Variants in CYP2R1 observed in about 807,000 individuals in gnomAD.
The protein encoded by CYP2R1 is vitamin D 25-hydroxylase.
In CYP2R1, 40 loss-of-function variants were observed where a neutral mutation model predicts 45.7. The ratio of observed to expected loss-of-function variants is 0.87; its 90% CI spans 0.68 to 1.14. CYP2R1 has a LOEUF of 1.14. CYP2R1 is among the 50% of genes most tolerant of loss of function. The pLI is 0.00. For synonymous variants in CYP2R1, 234 were observed against 219.3 expected, an observed-to-expected ratio of 1.07 and a Z score of -0.59; for missense variants, 605 against 602.6, an observed-to-expected ratio of 1.00 and a Z score of -0.04.
chr11:14,889,953 C>A (rs1035287103), intron 1 of CYP2R1, among the ~76,000 whole-genome samples: 13 of 151,918 alleles, frequency 8.6e-5, no homozygotes, highest in African/African-American at 2.9e-4. Flanking sequence ...CGAGTGAATG[C>A]CCATCTCTAC....
intron 1 of CYP2R1, chr11:14,891,724 A>G: frequency 7.8e-7 from 1 of 1,281,038 alleles, no homozygotes; most frequent in Non-Finnish European, 9.9e-7. Context: ...GTAGCGGGAA[A>G]ATCAGGACTG....
In CYP2R1 at chr11:14,891,975, C is replaced by A; in HGVS notation, c.225+6G>T. 6.2e-7 allele frequency: 1 copy of A among 1,612,676 alleles called. No individual in the cohort carries two copies. ...CCTCCCTGCCCGGGGCCCGTCGGGG[C>A]TGTACCTCTCCGTACACCTGGCTCT... is the stretch of plus-strand genomic sequence containing the variant. On this transcript the variant is annotated splice_donor_region_variant and intron_variant, in intron 1 of 4. Transcript: ENST00000334636.
chr11:14,885,660 A>C (rs1555014159), intron 2 of CYP2R1, 116 bp downstream of exon 2: 1 of 1,125,042 alleles, frequency 8.9e-7, no homozygotes. Context: ...TCTGTAAATA[A>C]ATAGTTTCTT....
chr11:14,883,708 T>C (rs1233513962), intron 2 of CYP2R1, among the ~76,000 whole-genome samples: 11 of 151,926 alleles, frequency 7.2e-5, no homozygotes, highest in Non-Finnish European at 2.9e-5. Flanking sequence ...CTCAAGAGCT[T>C]CTGCACAGCA....
chr11:14,890,829 T>G, intron 1 of CYP2R1: 5 of 981,554 alleles, frequency 5.1e-6, no homozygotes, highest in Non-Finnish European at 6.0e-6. Flanking sequence ...ATTATAGGCG[T>G]GAGCCACCGC....
rs1176385806 is a variant in CYP2R1 at position 14,878,019 on chromosome 11, T to C, written c.*103A>G. 2.3e-6 allele frequency: 3 copies of C among 1,282,022 alleles called. No individual in the cohort carries two copies. The highest frequency in any genetic ancestry group is 4.6e-5 in the East Asian group (2 of 43,142). The allele number at this position is 1,282,022 out of a possible 1,614,324, so 79.4% of individuals were successfully genotyped here. ...ACACATCTGTGTTCATTTGGCTTTT[T>C]GATGCTGTGACTTTTATTCTAATAC... On this transcript the variant is annotated 3_prime_UTR_variant, in exon 5 of 5. Coordinates refer to ENST00000334636, the MANE Select transcript of CYP2R1 (RefSeq NM_024514.5).
At position 14,879,439 on chromosome 11, in the gene CYP2R1, TTGTCC is replaced by T. The variant is rs1555011094; in HGVS notation, c.1001-1_1004del. The T allele has an allele frequency of 6.3e-7, 1 of 1,599,744 alleles. No individual in the cohort carries two copies. Among genetic ancestry groups the T allele is most frequent in the African/African-American group, 1.3e-5 (1 of 74,972 alleles). On this transcript the variant is annotated splice_acceptor_variant and coding_sequence_variant, in exon 4 of 5. Coordinates refer to ENST00000334636, the MANE Select transcript of CYP2R1 (RefSeq NM_024514.5). LOFTEE classifies it high-confidence loss of function. Reference sequence around the variant, plus strand: ...TAATTAAATCAATCTCTTTCTGAACTTGTCCTGTCAGAGAAAAAGTATTCAAGTTA... The same window carrying T: ...TAATTAAATCAATCTCTTTCTGAACTTGTCAGAGAAAAAGTATTCAAGTTA...
intron 2 of CYP2R1, among the ~76,000 whole-genome samples, chr11:14,884,968 A>T (rs1159713988): frequency 6.6e-6 from 1 of 152,098 alleles, no homozygotes; most frequent in African/African-American, 2.4e-5. Flanking sequence ...TGGCCTGAGA[A>T]TTCAGTCTTT....
At chr11:14,890,938 C>T (rs1335361780) in intron 1 of CYP2R1, 2 of 985,296 alleles carry the variant, frequency 2.0e-6, no homozygotes, top group Non-Finnish European at 2.4e-6. Flanking sequence ...TGTACTTTTC[C>T]TTCAAAACAC....
intron 1 of CYP2R1, among the ~76,000 whole-genome samples, chr11:14,889,164 G>GTTT (rs11410959): frequency 9.3e-5 from 13 of 140,164 alleles, no homozygotes; most frequent in Admixed American, 2.8e-4. Flanking sequence ...AAGTCCAGTT[G>GTTT]TTTTTTTTTT....
At chr11:14,879,076 C>G in intron 4 of CYP2R1, 38 bp downstream of exon 4, 4 of 1,493,236 alleles carry the variant, frequency 2.7e-6, no homozygotes, top group Non-Finnish European at 3.7e-6. Context: ...TATCATTATC[C>G]TTTATTCTAA....
intron 4 of CYP2R1, 61 bp downstream of exon 4, chr11:14,879,053 G>A: frequency 7.6e-7 from 1 of 1,307,468 alleles, no homozygotes; most frequent in Non-Finnish European, 1.1e-6. Context: ...TTAAGATGCT[G>A]TATCTAATGA....
intron 1 of CYP2R1, 24 bp from the exon 2 acceptor site, chr11:14,885,941 C>G: frequency 6.2e-7 from 1 of 1,609,858 alleles, no homozygotes; most frequent in South Asian, 1.1e-5. Flanking sequence ...AGAAAAACAA[C>G]ATTTAAATGA....
At chr11:14,885,088 T>C (rs1383014404) in intron 2 of CYP2R1, among the ~76,000 whole-genome samples, 1 of 152,208 alleles carries the variant, frequency 6.6e-6, no homozygotes, top group Non-Finnish European at 1.5e-5. Context: ...GTAAGCAAGA[T>C]ATTGTTAAAT....
rs1848599982 is a variant in CYP2R1 at position 14,885,915 on chromosome 11, G to A, written c.228C>T (p.Ile76=). The A allele has an allele frequency of 6.2e-7, 1 of 1,613,024 alleles. No individual in the cohort carries two copies. The highest frequency in any genetic ancestry group is 1.3e-5 in the African/African-American group (1 of 74,870). The change falls in exon 2 of 5, where the codon ATC becomes ATT. Residue 76 remains isoleucine, a splice_region_variant and synonymous_variant. Coordinates refer to ENST00000334636, the MANE Select transcript of CYP2R1 (RefSeq NM_024514.5). ...MRKQSQVYGE[I]FSLDLGGIST... is the part of the protein sequence containing the mutation. Reference sequence around the variant, plus strand: ...ATATGCCTCCAAGATCTAAACTGAAGATCTTTGAGAAGAGAAGAAAAACAA... The same window carrying A: ...ATATGCCTCCAAGATCTAAACTGAAAATCTTTGAGAAGAGAAGAAAAACAA...
chr11:14,880,478 G>T lies in CYP2R1; in HGVS notation c.658C>A (p.Leu220Ile), dbSNP rs1555011758. The change falls in exon 3 of 5, where the codon CTA (leucine) becomes ATA (isoleucine). Residue 220 changes from leucine to isoleucine, a missense_variant. Physicochemically the swap from Leu to Ile is conservative, Grantham distance 5. Coordinates refer to ENST00000334636, the MANE Select transcript of CYP2R1 (RefSeq NM_024514.5). ...MIELFSENVE[L>I]AASASVFLYN... Reference sequence around the variant, plus strand: ...AAGAAGACTGAGGCACTGGCAGCTAGTTCCACATTTTCACTAAATAACTCA... The same window carrying T: ...AAGAAGACTGAGGCACTGGCAGCTATTTCCACATTTTCACTAAATAACTCA... The T allele has an allele frequency of 6.2e-7, 1 of 1,613,456 alleles. No homozygotes were observed. The highest frequency in any genetic ancestry group is 1.3e-5 in the African/African-American group (1 of 75,016).
At chr11:14,891,771 G>A (rs1243718789) in intron 1 of CYP2R1, 1 of 1,386,994 alleles carries the variant, frequency 7.2e-7, no homozygotes. Flanking sequence ...TGGGTCACCG[G>A]CAGGGGCGGG....
intron 1 of CYP2R1, 186 bp downstream of exon 1, chr11:14,891,795 G>A: frequency 1.4e-6 from 2 of 1,409,360 alleles, no homozygotes; most frequent in East Asian, 2.7e-5. Context: ...CCCCCTGCAA[G>A]GGGGCACGGC....
At chr11:14,889,977 A>C (rs1014614907) in intron 1 of CYP2R1, among the ~76,000 whole-genome samples, 5 of 152,006 alleles carry the variant, frequency 3.3e-5, no homozygotes, top group Non-Finnish European at 7.4e-5. Flanking sequence ...AAATTACAAA[A>C]AATTAGCCGG....
Sources: allele counts gnomAD v4.1 joint callset (sites outside exome capture counted in the v4.1 genomes callset), GRCh38; gene constraint gnomAD v4.1.1; transcripts MANE v1.5; gene names NCBI Gene and HGNC (gene_info 2026-07-23, HGNC 2026-07-21).